MAP3K2: variants seen among roughly 807,000 people sequenced by gnomAD.
The protein encoded by MAP3K2 is MAP/ERK kinase kinase 2.
A neutral mutation model predicts 80.3 loss-of-function variants in MAP3K2; 24 were observed. The ratio of observed to expected loss-of-function variants is 0.30; its 90% CI spans 0.22 to 0.42. The LOEUF is 0.42. Ranked by LOEUF, MAP3K2 falls within the 10% of genes least tolerant of loss-of-function variation. The probability of loss-of-function intolerance (pLI) is 1.00; values close to 1 mark genes in which losing one functional copy is unlikely to be tolerated. For synonymous variants in MAP3K2, 244 were observed against 253.7 expected (o/e 0.96, Z 0.36); for missense variants, 608 against 750.1 (o/e 0.81, Z 2.21).
rs1276102028 is a variant in MAP3K2 at position 127,364,776 on chromosome 2, AAATATACCCCTCCT to A, written c.-65-21596_-65-21583del. On this transcript the variant is annotated intron_variant, in intron 1 of 16. Coordinates refer to ENST00000682094, the MANE Select transcript of MAP3K2 (RefSeq NM_001371910.2). This position sits in a 1 kb window ranked among gnomAD's most constrained non-coding sequence, Gnocchi z 4.1. ...CCTCCACCTTTCCCCTCATCTTTAA[AAATATACCCCTCCT>A]ATTTCTCAATCTCTTCTCATTACTA... Among the ~76,000 whole-genome samples, 1 of 152,240 alleles carries A rather than the reference AAATATACCCCTCCT, an allele frequency of 6.6e-6. No individual in the cohort carries two copies. The highest frequency in any genetic ancestry group is 1.9e-4 in the East Asian group (1 of 5,180).
intron 14 of MAP3K2, among the ~76,000 whole-genome samples, chr2:127,315,168 C>T (rs1481353691): frequency 6.6e-6 from 1 of 152,134 alleles, no homozygotes; most frequent in African/African-American, 2.4e-5. Context: ...AGAACATACA[C>T]AAAAGGAGAA....
At chr2:127,351,722 A>G (rs1473732281) in intron 1 of MAP3K2, among the ~76,000 whole-genome samples, 1 of 152,148 alleles carries the variant, frequency 6.6e-6, no homozygotes, top group Admixed American at 6.5e-5. Context: ...CCTATACAAC[A>G]ATAAGGATCA....
At chr2:127,324,836 C>T (rs1348007475) in intron 9 of MAP3K2, among the ~76,000 whole-genome samples, 1 of 152,076 alleles carries the variant, frequency 6.6e-6, no homozygotes, top group Non-Finnish European at 1.5e-5. Flanking sequence ...GAATACTGTC[C>T]TATTGAGACC....
In MAP3K2 at chr2:127,319,650, C is replaced by CAAAAAAAAAAAAAAAAA. The variant is rs57472022; in HGVS notation, c.1046-1350_1046-1334dup. On this transcript the variant is annotated intron_variant, in intron 12 of 16. Coordinates refer to ENST00000682094, the MANE Select transcript of MAP3K2 (RefSeq NM_001371910.2). ...TGAAACCCCATCTCTACTAAAAATA[C>CAAAAAAAAAAAAAAAAA]AAAAAAAAAAAAAAAAAAAAAAAAA... 7.0e-5 allele frequency among the ~76,000 whole-genome samples: 5 copies of CAAAAAAAAAAAAAAAAA among 71,836 alleles called. 1 individual carries two copies. The highest frequency in any genetic ancestry group is 1.2e-4 in the African/African-American group (2 of 17,376). 47.1% of individuals were successfully genotyped at this position (71,836 alleles called of 152,430 possible).
intron 1 of MAP3K2, among the ~76,000 whole-genome samples, chr2:127,359,491 A>G (rs530427105): frequency 7.7e-4 from 118 of 152,372 alleles, no homozygotes; most frequent in Middle Eastern, 3.4e-3. Context: ...AACATCATAC[A>G]TTGCATTGAT....
In MAP3K2 at chr2:127,387,745, G is replaced by A. The variant is rs1687397381; in HGVS notation, c.-359C>T. On this transcript the variant is annotated 5_prime_UTR_variant, in exon 1 of 17. Coordinates refer to ENST00000682094, the MANE Select transcript of MAP3K2 (RefSeq NM_001371910.2). ...TCTAGCCGCTGCAACCCCGAGGCCC[G>A]CGGGAACTGGGCAGGAAAGGAGGAA... The A allele has an allele frequency of 3.0e-6, 3 of 984,874 alleles. No individual in the cohort carries two copies. The South Asian group carries it at 1.4e-4, about 46-fold the overall frequency. The allele number at this position is 984,874 out of a possible 1,614,324, so 61.0% of individuals were successfully genotyped here.
In MAP3K2 at chr2:127,303,040, T is replaced by G. The variant is rs15521; in HGVS notation, c.*4539A>C. 1 of 152,116 alleles carries G rather than the reference T, an allele frequency of 6.6e-6. No homozygotes were observed. The highest frequency in any genetic ancestry group is 1.5e-5 in the Non-Finnish European group (1 of 68,006). 9.4% of individuals were successfully genotyped at this position (152,116 alleles called of 1,614,324 possible). ...TCATTTTGGTGGGTAACTTGAATTA[T>G]TAATATAAAATAAAATTAAGGCATA... On this transcript the variant is annotated 3_prime_UTR_variant, in exon 17 of 17. Transcript: ENST00000682094.
At chr2:127,366,843 A>G (rs919737341) in intron 1 of MAP3K2, among the ~76,000 whole-genome samples, 1 of 147,034 alleles carries the variant, frequency 6.8e-6, no homozygotes, top group Admixed American at 6.8e-5. Context: ...GGAGTTCATT[A>G]CTAAGCTGTC....
chr2:127,354,239 T>TAA lies in MAP3K2; in HGVS notation c.-65-11047_-65-11046dup, dbSNP rs56904810. On this transcript the variant is annotated intron_variant, in intron 1 of 16. Transcript: ENST00000682094. ...GCGAGAAACACCCAAGAATGATCAA[T>TAA]AAAAAAAAAAAAAGAAAGAAATATC... is the stretch of plus-strand genomic sequence containing the variant. Among the ~76,000 whole-genome samples the TAA allele has an allele frequency of 9.3e-3, 1,054 of 113,636 alleles. 10 individuals are homozygous for TAA. Among genetic ancestry groups the TAA allele is most frequent in the Non-Finnish European group, 0.015 (842 of 58,002 alleles). The allele number at this position is 113,636 out of a possible 152,430, so 74.5% of individuals were successfully genotyped here.
At chr2:127,311,246 T>A (rs1454639419) in intron 15 of MAP3K2, among the ~76,000 whole-genome samples, 3 of 152,208 alleles carry the variant, frequency 2.0e-5, no homozygotes, top group Non-Finnish European at 4.4e-5. Context: ...GTCTAACATT[T>A]CCTACCATCC....
rs1042229801 is a variant in MAP3K2, at chr2:127,307,021, A to C, written c.*558T>G. 1.3e-5 allele frequency: 2 copies of C among 152,612 alleles called. No homozygotes were observed. Among genetic ancestry groups the C allele is most frequent in the African/African-American group, 2.4e-5 (1 of 41,440 alleles). The allele number at this position is 152,612 out of a possible 1,614,324, so 9.5% of individuals were successfully genotyped here. A position where few individuals can be genotyped will look rare whatever the true frequency, so the allele number is the denominator to read the frequency against. On this transcript the variant is annotated 3_prime_UTR_variant, in exon 17 of 17. Transcript: ENST00000682094. The surrounding 1 kb of genome is among the most constrained non-coding windows in gnomAD (Gnocchi z 5.4). ...TCTTCTATCAAGACTCCTACTGAGC[A>C]AAAAGGTTGGTAGACAGAGGTTAGG...
intron 1 of MAP3K2, among the ~76,000 whole-genome samples, chr2:127,354,020 T>G (rs1241312853): frequency 1.3e-5 from 2 of 151,958 alleles, no homozygotes; most frequent in African/African-American, 4.8e-5. Context: ...AAGATGTGCT[T>G]TGTTAAACAG....
chr2:127,355,221 C>T (rs1475583822), intron 1 of MAP3K2, among the ~76,000 whole-genome samples: 1 of 152,098 alleles, frequency 6.6e-6, no homozygotes, highest in Non-Finnish European at 1.5e-5. Context: ...GCACAAAAAA[C>T]TTGAAAAACA....
chr2:127,385,699 T>C (rs1247017322), intron 1 of MAP3K2, among the ~76,000 whole-genome samples: 1 of 152,038 alleles, frequency 6.6e-6, no homozygotes, highest in African/African-American at 2.4e-5. Context: ...AAGTGGGAGG[T>C]GGGGGGAAAT....
intron 1 of MAP3K2, among the ~76,000 whole-genome samples, chr2:127,370,753 T>C (rs149571783): frequency 5.8e-4 from 88 of 152,224 alleles, no homozygotes; most frequent in Non-Finnish European, 1.0e-3. Context: ...TCTTTAACAT[T>C]ATGGGCTTTA....
At chr2:127,378,213 A>T in intron 1 of MAP3K2, 1 of 943,214 alleles carries the variant, frequency 1.1e-6, no homozygotes, top group Non-Finnish European at 1.3e-6. Context: ...TACAAATTTT[A>T]AAAACTTGAA....
At chr2:127,336,530 A>C (rs1260780023) in intron 4 of MAP3K2, among the ~76,000 whole-genome samples, 1 of 152,222 alleles carries the variant, frequency 6.6e-6, no homozygotes, top group Admixed American at 6.5e-5. Flanking sequence ...CTAAAGCTTG[A>C]AGACCACCAA....
chr2:127,350,897 T>C (rs1226797128), intron 1 of MAP3K2, among the ~76,000 whole-genome samples: 2 of 151,596 alleles, frequency 1.3e-5, no homozygotes, highest in Non-Finnish European at 2.9e-5. Flanking sequence ...TTTTAAAAAT[T>C]AAAAAAAAGT....
At chr2:127,331,413 G>A (rs1244184475) in intron 5 of MAP3K2, among the ~76,000 whole-genome samples, 2 of 152,164 alleles carry the variant, frequency 1.3e-5, no homozygotes, top group African/African-American at 4.8e-5. Flanking sequence ...ATGCAAGGCT[G>A]AATTAATTTG....
Sources: gnomAD v4.1 joint callset for allele counts (sites outside exome capture counted in the v4.1 genomes callset) on GRCh38, gnomAD v4.1.1 for gene constraint, Gnocchi (gnomAD v3.1) non-coding constraint, MANE v1.5 for transcripts, NCBI Gene and HGNC (gene_info 2026-07-23, HGNC 2026-07-21) for gene names.